SAP30BP: variants seen among roughly 807,000 people sequenced by gnomAD.
SAP30BP encodes the protein SAP30-binding protein.
In SAP30BP, 31 loss-of-function variants were observed where a neutral mutation model predicts 46.3. The ratio of observed to expected loss-of-function variants is 0.67; its 90% CI spans 0.50 to 0.90. The LOEUF is 0.90. Ranked by LOEUF, SAP30BP falls within the 40% of genes least tolerant of loss-of-function variation. The pLI is 0.00. For missense variants in SAP30BP, 312 were observed against 391.0 expected, an observed-to-expected ratio of 0.80 and a Z score of 1.70; for synonymous variants, 169 against 144.2, an observed-to-expected ratio of 1.17 and a Z score of -1.23.
intron 3 of SAP30BP, among the ~76,000 whole-genome samples, chr17:75,681,414 G>A (rs1047815439): frequency 2.0e-5 from 3 of 152,148 alleles, no homozygotes; most frequent in African/African-American, 7.2e-5. Flanking sequence ...CCCAGTTGAC[G>A]GGAGTTACTG....
At position 75,706,662 on chromosome 17, in the gene SAP30BP, A is replaced by G; in HGVS notation, c.*141A>G. ...GAGGAGCTTCTGTTTGGCATTCCAG[A>G]TGGAAGGACAGGCAGCACGGGAGCC... On this transcript the variant is annotated 3_prime_UTR_variant, in exon 11 of 11. Transcript: ENST00000584667. The surrounding 1 kb of genome is among the most constrained non-coding windows in gnomAD (Gnocchi z 4.6). 1 of 768,484 alleles carries G rather than the reference A, an allele frequency of 1.3e-6. No individual in the cohort carries two copies. The highest frequency in any genetic ancestry group is 2.1e-6 in the Non-Finnish European group (1 of 477,876). The allele number at this position is 768,484 out of a possible 1,614,324, so 47.6% of individuals were successfully genotyped here.
At chr17:75,682,541 A>G (rs2060093058) in intron 3 of SAP30BP, among the ~76,000 whole-genome samples, 2 of 152,162 alleles carry the variant, frequency 1.3e-5, no homozygotes, top group African/African-American at 2.4e-5. Context: ...ATGTTTGCCT[A>G]TAATAACATA....
chr17:75,680,573 G>A (rs977767690), intron 3 of SAP30BP, among the ~76,000 whole-genome samples: 5 of 152,188 alleles, frequency 3.3e-5, no homozygotes, highest in South Asian at 2.1e-4. Context: ...GAATGTACAT[G>A]AAGGTGCTTT....
chr17:75,692,325 C>G (rs902696686), intron 3 of SAP30BP: 2 of 985,326 alleles, frequency 2.0e-6, no homozygotes, highest in African/African-American at 3.5e-5. Flanking sequence ...GAGCTCTGCA[C>G]CTGTCCTCGA....
intron 8 of SAP30BP, among the ~76,000 whole-genome samples, chr17:75,704,069 T>C (rs948445704): frequency 6.6e-6 from 1 of 152,178 alleles, no homozygotes; most frequent in Non-Finnish European, 1.5e-5. Flanking sequence ...GTCACGCCAG[T>C]AACGCCAGCA....
chr17:75,671,956 C>T, intron 3 of SAP30BP, 93 bp downstream of exon 3: 2 of 1,007,598 alleles, frequency 2.0e-6, no homozygotes, highest in Non-Finnish European at 3.2e-6. Context: ...ATCTGTCCCA[C>T]TGACAAACTG....
In SAP30BP at chr17:75,699,844, C is replaced by A; in HGVS notation, c.369C>A (p.Pro123=). 1 of 1,613,070 alleles carries A rather than the reference C, an allele frequency of 6.2e-7. No individual in the cohort carries two copies. The highest frequency in any genetic ancestry group is 8.5e-7 in the Non-Finnish European group (1 of 1,179,146). ...SPDEIKIPPE[P]PGRCSNHLQD... is the part of the protein sequence containing the mutation. The stretch of plus-strand genomic sequence containing the variant: ...ATGAAATCAAGATCCCGCCAGAACC[C>A]CCTGGCAGATGTTCAAATCACTTGC... The change falls in exon 5 of 11, where the codon CCC becomes CCA. Residue 123 remains proline (P), a synonymous_variant. Transcript: ENST00000584667.
intron 3 of SAP30BP, among the ~76,000 whole-genome samples, chr17:75,685,306 C>T (rs904252665): frequency 1.3e-5 from 2 of 152,176 alleles, no homozygotes; most frequent in African/African-American, 4.8e-5. Context: ...TTCCGACCTT[C>T]GTTCTGTATT....
Position 75,693,321 on chromosome 17 carries a change from G to C in SAP30BP, c.265-119G>C. 8 of 801,040 alleles carry C rather than the reference G, an allele frequency of 1.0e-5. No homozygotes were observed. In the South Asian group the frequency reaches 1.3e-4, roughly 13 times the overall value. 49.6% of individuals were successfully genotyped at this position (801,040 alleles called of 1,614,324 possible). On this transcript the variant is annotated intron_variant, in intron 3 of 10. Coordinates refer to ENST00000584667, the MANE Select transcript of SAP30BP (RefSeq NM_013260.8). ...CCCCTGAAGCATCAGCTTACCCTTA[G>C]TGTTCCTGGCAGTGCTTTTACTTTT...
intron 3 of SAP30BP, among the ~76,000 whole-genome samples, chr17:75,689,416 T>C (rs969649159): frequency 2.0e-5 from 3 of 152,142 alleles, no homozygotes; most frequent in African/African-American, 4.8e-5. Context: ...TTGATTGGAA[T>C]TGAATGAGGG....
In SAP30BP at chr17:75,706,393, G is replaced by T; in HGVS notation, c.799G>T (p.Ala267Ser). Residue 267 changes from alanine (A) to serine (S), a missense_variant, in exon 11 of 11, where the codon GCC (alanine) becomes TCC (serine). Ala to Ser is a moderately conservative substitution (Grantham distance 99). Transcript: ENST00000584667. The surrounding 1 kb of genome is among the most constrained non-coding windows in gnomAD (Gnocchi z 4.6). ...TTCGGCTATCCCAGTGACAACGATA[G>T]CCCAGCCCACCATCCTCACCACCAC... is the stretch of plus-strand genomic sequence containing the variant. The part of the protein sequence containing the change: ...WDSAIPVTTI[A>S]QPTILTTTAT... 2 of 1,614,058 alleles carry T rather than the reference G, an allele frequency of 1.2e-6. No individual in the cohort carries two copies. Among genetic ancestry groups the T allele is most frequent in the Non-Finnish European group, 1.7e-6 (2 of 1,180,014 alleles).
chr17:75,706,039 C>T lies in SAP30BP; in HGVS notation c.692C>T (p.Thr231Ile), dbSNP rs1373500058. The T allele has an allele frequency of 3.7e-6, 6 of 1,613,820 alleles. No individual in the cohort carries two copies. Among genetic ancestry groups the T allele is most frequent in the Non-Finnish European group, 5.1e-6 (6 of 1,180,010 alleles). The stretch of plus-strand genomic sequence containing the variant: ...TTTGTGACGGGCACCAAAAAAGGCA[C>T]CACGACCAACGCCACGTCCACCACC... Reference protein sequence around the residue: ...IEFVTGTKKGTTTNATSTTTT... With the variant: ...IEFVTGTKKGITTNATSTTTT... The change falls in exon 10 of 11, where the codon ACC becomes ATC. Residue 231 changes from threonine to isoleucine, a missense_variant. Physicochemically the swap from Thr to Ile is moderately conservative, Grantham distance 89. Coordinates refer to ENST00000584667, the MANE Select transcript of SAP30BP (RefSeq NM_013260.8). The surrounding 1 kb of genome is among the most constrained non-coding windows in gnomAD (Gnocchi z 4.6).
intron 3 of SAP30BP, among the ~76,000 whole-genome samples, chr17:75,678,864 C>T (rs1642800862): frequency 6.6e-6 from 1 of 152,134 alleles, no homozygotes; most frequent in Non-Finnish European, 1.5e-5. Flanking sequence ...AGACCTGAAG[C>T]CGCGCGCAGA....
Position 75,674,690 on chromosome 17 carries a change from G to GTTTTTTTTTTT in SAP30BP, c.264+2833_264+2834insTTTTTTTTTTT, listed in dbSNP as rs1287087489. The stretch of plus-strand genomic sequence containing the variant: ...TTAAGCATATGAAGTTTTTTTGTTT[G>GTTTTTTTTTTT]TTTTTTGTTTTTTTTTTTTTTTTTT... On this transcript the variant is annotated intron_variant, in intron 3 of 10. Transcript: ENST00000584667. Among the ~76,000 whole-genome samples the GTTTTTTTTTTT allele has an allele frequency of 3.7e-3, 146 of 39,566 alleles. 18 individuals carry two copies. Among genetic ancestry groups the GTTTTTTTTTTT allele is most frequent in the African/African-American group, 7.5e-3 (114 of 15,110 alleles). 26.0% of individuals were successfully genotyped at this position (39,566 alleles called of 152,430 possible).
At chr17:75,691,358 TC>T (rs1401013990) in intron 3 of SAP30BP, 19 of 448,672 alleles carry the variant, frequency 4.2e-5, no homozygotes, top group Non-Finnish European at 6.7e-5. Flanking sequence ...ATAAAATACT[TC>T]CTGTGATTTT....
intron 3 of SAP30BP, among the ~76,000 whole-genome samples, chr17:75,673,739 G>T (rs2059941261): frequency 6.6e-6 from 1 of 152,178 alleles, no homozygotes; most frequent in Non-Finnish European, 1.5e-5. Context: ...CTGTCCAGTA[G>T]CAGTCACTAA....
At chr17:75,669,606 G>C (rs1255766942) in intron 2 of SAP30BP, among the ~76,000 whole-genome samples, 2 of 152,072 alleles carry the variant, frequency 1.3e-5, no homozygotes, top group East Asian at 3.9e-4. Flanking sequence ...TCCCAGTCTG[G>C]TTTCAAACTT....
Position 75,699,916 on chromosome 17 carries a change from C to T in SAP30BP, c.396+45C>T. ...ACTGAGGTCGGATAGATTAGATAGC[C>T]TGGGTTACGTGTTTGGTTTGGTCTT... is the stretch of plus-strand genomic sequence containing the variant. On this transcript the variant is annotated intron_variant, in intron 5 of 10. Transcript: ENST00000584667. The T allele has an allele frequency of 3.6e-6, 5 of 1,387,366 alleles. No individual in the cohort carries two copies. In the South Asian group the frequency reaches 4.7e-5, roughly 13 times the overall value. The allele number at this position is 1,387,366 out of a possible 1,614,324, so 85.9% of individuals were successfully genotyped here. A position where few individuals can be genotyped will look rare whatever the true frequency, so the allele number is the denominator to read the frequency against.
At chr17:75,682,162 A>C (rs1181614336) in intron 3 of SAP30BP, among the ~76,000 whole-genome samples, 1 of 151,966 alleles carries the variant, frequency 6.6e-6, no homozygotes, top group Non-Finnish European at 1.5e-5. Flanking sequence ...AAAATCACCT[A>C]ATCTCATGAT....
Sources: allele counts gnomAD v4.1 joint callset (sites outside exome capture counted in the v4.1 genomes callset), GRCh38; gene constraint gnomAD v4.1.1; non-coding constraint Gnocchi (gnomAD v3.1); transcripts MANE v1.5; gene names NCBI Gene and HGNC (gene_info 2026-07-23, HGNC 2026-07-21).